Variants in PCDHGB1 observed in about 807,000 individuals in gnomAD.
PCDHGB1 encodes the protein protocadherin gamma subfamily B, 1, also known as protocadherin gamma-B1.
In PCDHGB1, 34 loss-of-function variants were observed where a neutral mutation model predicts 56.6. That is an observed-to-expected ratio of 0.60 (90% confidence interval 0.46 to 0.80). PCDHGB1 has a LOEUF of 0.80. Ranked by LOEUF, PCDHGB1 falls within the 30% of genes least tolerant of loss-of-function variation. The pLI, the probability that PCDHGB1 is intolerant of heterozygous loss-of-function variation, is 0.00. For missense variants in PCDHGB1, 1,278 were observed against 1,204.6 expected (o/e 1.06, Z -0.90); for synonymous variants, 561 against 505.9 (o/e 1.11, Z -1.46).
At chr5:141,395,220 G>A (rs1331532806) in intron 1 of PCDHGB1, 1 of 1,611,732 alleles carries the variant, frequency 6.2e-7, no homozygotes, top group Non-Finnish European at 8.5e-7. Flanking sequence ...ATATAAGAAT[G>A]AAGCTGATCA....
chr5:141,370,530 C>T (rs1302599880), intron 1 of PCDHGB1: 2 of 1,613,800 alleles, frequency 1.2e-6, no homozygotes, highest in Non-Finnish European at 1.7e-6. Flanking sequence ...CAGGGGCTCG[C>T]TGGTAGGGAA....
chr5:141,436,414 A>G (rs1459862288), intron 1 of PCDHGB1, among the ~76,000 whole-genome samples: 1 of 152,234 alleles, frequency 6.6e-6, no homozygotes, highest in East Asian at 1.9e-4. Flanking sequence ...ATGAATGGAT[A>G]AACAAATAAT....
chr5:141,393,307 ACTC>A, intron 1 of PCDHGB1: 1 of 1,613,594 alleles, frequency 6.2e-7, no homozygotes, highest in East Asian at 2.2e-5. Flanking sequence ...GTGGGCGTGA[ACTC>A]CCTCCAGAGC....
chr5:141,497,730 G>T (rs13182286), intron 2 of PCDHGB1, among the ~76,000 whole-genome samples: 247 of 152,136 alleles, frequency 1.6e-3, no homozygotes, highest in Non-Finnish European at 2.8e-3. Flanking sequence ...AGTAGAGATG[G>T]GTTTCGCCAC....
rs1759029072 is a variant in PCDHGB1 at position 141,352,500 on chromosome 5, C to T, written c.2240C>T (p.Ser747Phe). The T allele has an allele frequency of 6.2e-7, 1 of 1,614,024 alleles. No homozygotes were observed. The highest frequency in any genetic ancestry group is 2.2e-5 in the East Asian group (1 of 44,878). Reference sequence around the variant, plus strand: ...CACAGCGAGGGGACTTTGCCCTATTCCTACAATCTATGTATTGCCTCTCAT... The same window carrying T: ...CACAGCGAGGGGACTTTGCCCTATTTCTACAATCTATGTATTGCCTCTCAT... ...PNHSEGTLPY[S>F]YNLCIASHSA... The change falls in exon 1 of 4, where the codon TCC (serine) becomes TTC (phenylalanine). Residue 747 changes from serine to phenylalanine, a missense_variant. Physicochemically the swap from Ser to Phe is radical, Grantham distance 155. Coordinates refer to ENST00000523390, the MANE Select transcript of PCDHGB1 (RefSeq NM_018922.3).
At chr5:141,463,460 T>TTC (rs573961569) in intron 1 of PCDHGB1, among the ~76,000 whole-genome samples, 28 of 136,126 alleles carry the variant, frequency 2.1e-4, no homozygotes, top group Admixed American at 4.4e-4. Context: ...TTTTTTTTTT[T>TTC]TTTTTTGAGA....
At chr5:141,454,837 G>A (rs1269424734) in intron 1 of PCDHGB1, among the ~76,000 whole-genome samples, 4 of 90,354 alleles carry the variant, frequency 4.4e-5, no homozygotes, top group East Asian at 6.5e-4. Flanking sequence ...AGACAGAGTC[G>A]CGCTCTGTCA....
At chr5:141,395,545 TGTGTGTGTGTGTG>T (rs1440813594) in intron 1 of PCDHGB1, 2 of 174,840 alleles carry the variant, frequency 1.1e-5, no homozygotes, top group Admixed American at 1.3e-4. Flanking sequence ...CTATTGTTTG[TGTGTGTGTGTGTG>T]TGTGTGTGTG....
chr5:141,374,727 T>A (rs1169090117), intron 1 of PCDHGB1: 2 of 1,610,538 alleles, frequency 1.2e-6, no homozygotes, highest in Non-Finnish European at 1.7e-6. Flanking sequence ...CTTACTGCCA[T>A]GGATGGCGGC....
In PCDHGB1 at chr5:141,409,025, G is replaced by T. The variant is rs202094928; in HGVS notation, c.2409+56356G>T. Reference sequence around the variant, plus strand: ...CACTGACCAGGATGAGGGGGTCAATGCTGAGATAAACTACTACTTCCGAAG... The same window carrying T: ...CACTGACCAGGATGAGGGGGTCAATTCTGAGATAAACTACTACTTCCGAAG... On this transcript the variant is annotated intron_variant, in intron 1 of 3. Coordinates refer to ENST00000523390, the MANE Select transcript of PCDHGB1 (RefSeq NM_018922.3). 2.9e-3 allele frequency: 4,667 copies of T among 1,614,008 alleles called. 11 individuals are homozygous for T. The highest frequency in any genetic ancestry group is 3.6e-3 in the Non-Finnish European group (4,254 of 1,179,906).
chr5:141,427,775 G>A (rs768191014), intron 1 of PCDHGB1: 35 of 1,424,948 alleles, frequency 2.5e-5, no homozygotes, highest in Non-Finnish European at 2.9e-5. Context: ...TGGAGCTGCG[G>A]GCACTGTCGT....
Position 141,487,071 on chromosome 5 carries a change from C to A in PCDHGB1, c.2410-7736C>A. On this transcript the variant is annotated intron_variant, in intron 1 of 3. Coordinates refer to ENST00000523390, the MANE Select transcript of PCDHGB1 (RefSeq NM_018922.3). The surrounding 1 kb of genome is among the most constrained non-coding windows in gnomAD (Gnocchi z 5.0). ...GCTGGGGAGGTGCGGACGGCTGTTC[C>A]TATCCCAGCTGACCTCCCACCACAG... is the stretch of plus-strand genomic sequence containing the variant. The A allele has an allele frequency of 6.2e-7, 1 of 1,614,148 alleles. No individual in the cohort carries two copies. Among genetic ancestry groups the A allele is most frequent in the Non-Finnish European group, 8.5e-7 (1 of 1,180,002 alleles).
chr5:141,448,515 T>C (rs1158968509), intron 1 of PCDHGB1, among the ~76,000 whole-genome samples: 1 of 152,212 alleles, frequency 6.6e-6, no homozygotes, highest in Non-Finnish European at 1.5e-5. Flanking sequence ...TTTATAACTT[T>C]ATTAAGCATC....
chr5:141,392,750 G>A lies in PCDHGB1; in HGVS notation c.2409+40081G>A, dbSNP rs561923783. On this transcript the variant is annotated intron_variant, in intron 1 of 3. Coordinates refer to ENST00000523390, the MANE Select transcript of PCDHGB1 (RefSeq NM_018922.3). ...ATTGTCATCTCCATAGCTGCGGCAAGAAACTAAATAAGACCCATTTATGCA... is the reference window on the plus strand; with the variant it reads ...ATTGTCATCTCCATAGCTGCGGCAAAAAACTAAATAAGACCCATTTATGCA... 25 of 1,451,824 alleles carry A rather than the reference G, an allele frequency of 1.7e-5. No homozygotes were observed. In the Admixed American group the frequency reaches 4.2e-4, roughly 24 times the overall value. The allele number at this position is 1,451,824 out of a possible 1,614,324, so 89.9% of individuals were successfully genotyped here.
chr5:141,387,740 C>T lies in PCDHGB1; in HGVS notation c.2409+35071C>T, dbSNP rs952205441. The T allele has an allele frequency of 3.8e-6, 5 of 1,328,736 alleles. No individual in the cohort carries two copies. In the African/African-American group the frequency reaches 5.9e-5, roughly 16 times the overall value. The allele number at this position is 1,328,736 out of a possible 1,614,324, so 82.3% of individuals were successfully genotyped here. ...GACTCCCCAGCGCCAGCCTTTACAC[C>T]GCTTCCTCCTCGGAAAAAGAAGAAT... On this transcript the variant is annotated intron_variant, in intron 1 of 3. Coordinates refer to ENST00000523390, the MANE Select transcript of PCDHGB1 (RefSeq NM_018922.3).
chr5:141,410,809 G>C, intron 1 of PCDHGB1: 1 of 292,002 alleles, frequency 3.4e-6, no homozygotes, highest in Admixed American at 5.8e-5. Flanking sequence ...CTATCTTTTT[G>C]TAAAATAATG....
At chr5:141,363,413 A>G (rs1762914812) in intron 1 of PCDHGB1, among the ~76,000 whole-genome samples, 1 of 152,194 alleles carries the variant, frequency 6.6e-6, no homozygotes, top group Admixed American at 6.5e-5. Context: ...GATAGCAGTA[A>G]ATATCTGTCT....
intron 2 of PCDHGB1, among the ~76,000 whole-genome samples, chr5:141,498,976 GGAAGGAAGGAAGGAA>G (rs1562186940): frequency 1.5e-4 from 2 of 13,010 alleles, no homozygotes; most frequent in Admixed American, 2.9e-3. Context: ...AGGGAGGGAA[GGAAGGAAGGAAGGAA>G]GGAAGGAAGG....
intron 1 of PCDHGB1, chr5:141,409,185 C>G (rs765063807): frequency 6.2e-7 from 1 of 1,614,024 alleles, no homozygotes; most frequent in South Asian, 1.1e-5. Flanking sequence ...GGTGGTCTCT[C>G]TACCCAGTGT....
Sources: gnomAD v4.1 joint callset for allele counts (sites outside exome capture counted in the v4.1 genomes callset) on GRCh38, gnomAD v4.1.1 for gene constraint, Gnocchi (gnomAD v3.1) non-coding constraint, MANE v1.5 for transcripts, NCBI Gene and HGNC (gene_info 2026-07-23, HGNC 2026-07-21) for gene names.